Variants in LRP6 observed in about 807,000 individuals in gnomAD.
LRP6 encodes the protein LDL receptor related protein 6, also known as low-density lipoprotein receptor-related protein 6.
In LRP6, 43 loss-of-function variants were observed where a neutral mutation model predicts 184.1. The observed-to-expected ratio is 0.23, with a 90% CI of 0.18 to 0.30. LRP6 has a LOEUF of 0.30. LRP6 is among the 10% of genes least tolerant of loss of function. LRP6 has a pLI of 1.00. For missense variants in LRP6, 1,571 were observed against 2,005.3 expected, an observed-to-expected ratio of 0.78 and a Z score of 4.14; for synonymous variants, 719 against 684.9, an observed-to-expected ratio of 1.05 and a Z score of -0.78.
At chr12:12,166,274 G>C (rs927096401) in intron 7 of LRP6, among the ~76,000 whole-genome samples, 3 of 152,138 alleles carry the variant, frequency 2.0e-5, no homozygotes, top group Admixed American at 6.5e-5. Context: ...GCATCTTTCA[G>C]AACAGAACAA....
intron 1 of LRP6, among the ~76,000 whole-genome samples, chr12:12,246,154 C>T (rs555780771): frequency 6.6e-6 from 1 of 151,890 alleles, no homozygotes; most frequent in Admixed American, 6.5e-5. Context: ...AGGTGCCCAC[C>T]ACTATGGGTC....
In LRP6 at chr12:12,124,576, A is replaced by G. The variant is rs759343541; in HGVS notation, c.4536T>C (p.His1512=). 13 of 1,607,264 alleles carry G rather than the reference A, an allele frequency of 8.1e-6. No homozygotes were observed. Among genetic ancestry groups the G allele is most frequent in the African/African-American group, 4.0e-5 (3 of 74,758 alleles). ...FGYSSNSPST[H]RSYSYRPYSY... The stretch of plus-strand genomic sequence containing the variant: ...AGGATGTGTATTACCTGTATGACCT[A>G]TGAGTGGAAGGACTGTTTGAAGAAT... The change falls in exon 22 of 23, where the codon CAT becomes CAC. Residue 1512 remains histidine, a synonymous_variant. Coordinates refer to ENST00000261349, the MANE Select transcript of LRP6 (RefSeq NM_002336.3).
At chr12:12,174,598 T>C (rs1263746006) in intron 7 of LRP6, among the ~76,000 whole-genome samples, 1 of 152,220 alleles carries the variant, frequency 6.6e-6, no homozygotes, top group Admixed American at 6.5e-5. Context: ...AACAGGTTCC[T>C]ATATGTTTTT....
intron 3 of LRP6, among the ~76,000 whole-genome samples, chr12:12,195,953 TC>T (rs925042487): frequency 2.0e-5 from 3 of 152,174 alleles, no homozygotes; most frequent in African/African-American, 7.2e-5. Context: ...GACTATCCTT[TC>T]CCCAATCTAT....
chr12:12,158,902 A>G lies in LRP6; in HGVS notation c.2718T>C (p.Ala906=). The G allele has an allele frequency of 6.2e-7, 1 of 1,614,264 alleles. No homozygotes were observed. The highest frequency in any genetic ancestry group is 8.5e-7 in the Non-Finnish European group (1 of 1,180,044). ...CACAAACAAAACCCCCAACTGGCACAGCCAAGCAGAGGTGGGAGCAGTGCC... is the reference window on the plus strand; with the variant it reads ...CACAAACAAAACCCCCAACTGGCACGGCCAAGCAGAGGTGGGAGCAGTGCC... ...SNGHCSHLCL[A]VPVGGFVCGC... is the part of the protein sequence containing the mutation. The change falls in exon 12 of 23, where the codon GCT becomes GCC. Residue 906 remains alanine (A), a synonymous_variant. Transcript: ENST00000261349.
At position 12,131,971 on chromosome 12, in the gene LRP6, T is replaced by G. The variant is rs754893781; in HGVS notation, c.3820A>C (p.Thr1274Pro). 6.2e-7 allele frequency: 1 copy of G among 1,614,096 alleles called. No homozygotes were observed. Residue 1274 changes from threonine (T) to proline (P), a missense_variant, in exon 18 of 23, where the codon ACT (threonine) becomes CCT (proline). Thr to Pro is a conservative substitution (Grantham distance 38). Around this residue, in one of 4 missense-constraint regions of LRP6, gnomAD observed 763 missense variants for 859.5 expected, o/e 0.89. Coordinates refer to ENST00000261349, the MANE Select transcript of LRP6 (RefSeq NM_002336.3). ...TCATCACTGTGGTCTTCACATTCAG[T>G]AAACCCATCGCACCGCCAAGCCACA... is the stretch of plus-strand genomic sequence containing the variant. ...IPVAWRCDGF[T>P]ECEDHSDELN...
chr12:12,215,968 G>A (rs1034727156), intron 2 of LRP6, among the ~76,000 whole-genome samples: 2 of 151,798 alleles, frequency 1.3e-5, no homozygotes, highest in African/African-American at 4.8e-5. Flanking sequence ...GCCAAGATGG[G>A]GCCACTGCAC....
At chr12:12,151,981 C>G (rs1323595351) in intron 12 of LRP6, among the ~76,000 whole-genome samples, 2 of 152,080 alleles carry the variant, frequency 1.3e-5, no homozygotes, top group Non-Finnish European at 2.9e-5. Flanking sequence ...GTAAAAATTA[C>G]AAAAATAATA....
chr12:12,214,129 C>A (rs997554455), intron 2 of LRP6, among the ~76,000 whole-genome samples: 6 of 151,940 alleles, frequency 3.9e-5, no homozygotes, highest in Non-Finnish European at 5.9e-5. Flanking sequence ...CAGTAACCAA[C>A]CAAGAAGCCA....
At position 12,159,474 on chromosome 12, in the gene LRP6, C is replaced by G. The variant is rs117871120; in HGVS notation, c.2464+306G>C. 2.0e-3 allele frequency among the ~76,000 whole-genome samples: 306 copies of G among 152,080 alleles called. 1 individual carries two copies. The highest frequency in any genetic ancestry group is 0.011 in the East Asian group (56 of 5,174). On this transcript the variant is annotated intron_variant, in intron 11 of 22. Coordinates refer to ENST00000261349, the MANE Select transcript of LRP6 (RefSeq NM_002336.3). The stretch of plus-strand genomic sequence containing the variant: ...AAGGGTCTACAGTTCACTTTTTCTT[C>G]TTGAACTATAGAAGGAAAAGATGGA...
chr12:12,148,298 T>C (rs1280313346), intron 14 of LRP6, among the ~76,000 whole-genome samples: 1 of 152,006 alleles, frequency 6.6e-6, no homozygotes, highest in Non-Finnish European at 1.5e-5. Flanking sequence ...AAATTCTTTC[T>C]AATTAATCTA....
intron 19 of LRP6, among the ~76,000 whole-genome samples, chr12:12,128,666 G>C (rs1565532438): frequency 6.6e-6 from 1 of 152,182 alleles, no homozygotes; most frequent in African/African-American, 2.4e-5. Flanking sequence ...GATGGGGCTT[G>C]TGGCAAAGTA....
At chr12:12,249,057 A>G (rs1469890712) in intron 1 of LRP6, 2 of 685,784 alleles carry the variant, frequency 2.9e-6, no homozygotes, top group East Asian at 2.6e-5. Flanking sequence ...GAACTCAAAG[A>G]AGGCCAGAAA....
chr12:12,130,810 T>G lies in LRP6; in HGVS notation c.4054A>C (p.Ser1352Arg). 2 of 1,612,776 alleles carry G rather than the reference T, an allele frequency of 1.2e-6. No homozygotes were observed. Among genetic ancestry groups the G allele is most frequent in the Non-Finnish European group, 1.7e-6 (2 of 1,178,762 alleles). Residue 1352 changes from serine to arginine, a missense_variant, in exon 19 of 23, where the codon AGT (serine) becomes CGT (arginine). Around this residue, in one of 4 missense-constraint regions of LRP6, gnomAD observed 763 missense variants for 859.5 expected, o/e 0.89. Coordinates refer to ENST00000261349, the MANE Select transcript of LRP6 (RefSeq NM_002336.3). ...CAATCCAGTTCATCTGACTTGTCAC[T>G]GCAATCCACATTATGATCACACTTC... ...HKKCDHNVDC[S>R]DKSDELDCYP...
intron 2 of LRP6, among the ~76,000 whole-genome samples, chr12:12,223,721 C>T (rs1329046648): frequency 6.6e-6 from 1 of 152,168 alleles, no homozygotes; most frequent in African/African-American, 2.4e-5. Context: ...GGTTAATCAA[C>T]TAACCTTATT....
At chr12:12,213,311 CA>C (rs1338157126) in intron 2 of LRP6, among the ~76,000 whole-genome samples, 2 of 151,992 alleles carry the variant, frequency 1.3e-5, no homozygotes, top group Non-Finnish European at 2.9e-5. Context: ...TATTTTGCAT[CA>C]CTTTTTTATA....
intron 10 of LRP6, among the ~76,000 whole-genome samples, chr12:12,161,034 C>T (rs1862729758): frequency 6.6e-6 from 1 of 152,210 alleles, no homozygotes; most frequent in Non-Finnish European, 1.5e-5. Context: ...CATGTGCACA[C>T]CACAAGAGCC....
intron 2 of LRP6, among the ~76,000 whole-genome samples, chr12:12,209,008 T>A (rs561020251): frequency 1.3e-5 from 2 of 152,216 alleles, no homozygotes; most frequent in Non-Finnish European, 2.9e-5. Context: ...ACTACCAGTA[T>A]CTTTAAACAA....
Position 12,131,816 on chromosome 12 carries a change from G to A in LRP6, c.3970+5C>T. 1 of 1,610,882 alleles carries A rather than the reference G, an allele frequency of 6.2e-7. No homozygotes were observed. The highest frequency in any genetic ancestry group is 8.5e-7 in the Non-Finnish European group (1 of 1,177,038). On this transcript the variant is annotated splice_donor_5th_base_variant and intron_variant, in intron 18 of 22. Transcript: ENST00000261349. ...CATGCTGAGGCACTGAAGAATTCTG[G>A]ATACCTTCACAGTTCTTCTCATCTG...
Sources: gnomAD v4.1 joint callset for allele counts (sites outside exome capture counted in the v4.1 genomes callset) on GRCh38, gnomAD v4.1.1 for gene constraint, gnomAD v4.1.1 regional missense constraint, MANE v1.5 for transcripts, NCBI Gene and HGNC (gene_info 2026-07-23, HGNC 2026-07-21) for gene names.